Variants in PHLPP1 observed in about 807,000 individuals in gnomAD.
PHLPP1 encodes PH domain leucine-rich repeat-containing protein phosphatase 1.
Under a neutral mutation model 117.2 loss-of-function variants are expected in PHLPP1, and 42 were observed. The ratio of observed to expected loss-of-function variants is 0.36; its 90% CI spans 0.28 to 0.46. The LOEUF (loss-of-function observed/expected upper bound fraction) is 0.46. Among genes scored for constraint, PHLPP1 ranks in the 20% least tolerant of loss-of-function variants. The probability of loss-of-function intolerance (pLI) is 1.00; values close to 1 mark genes in which losing one functional copy is unlikely to be tolerated. For missense variants in PHLPP1, 2,084 were observed against 2,241.9 expected (o/e 0.93, Z 1.42); for synonymous variants, 1,042 against 970.7 (o/e 1.07, Z -1.37).
chr18:62,971,905 A>T (rs1307173623), intron 14 of PHLPP1, among the ~76,000 whole-genome samples: 1 of 152,006 alleles, frequency 6.6e-6, no homozygotes, highest in East Asian at 1.9e-4. Flanking sequence ...GCATGGTGGC[A>T]TACTCCTGTA....
intron 1 of PHLPP1, among the ~76,000 whole-genome samples, chr18:62,738,559 T>C (rs1911434310): frequency 6.6e-6 from 1 of 152,192 alleles, no homozygotes; most frequent in African/African-American, 2.4e-5. Context: ...TCCATTGATT[T>C]TGGTATCTTT....
chr18:62,900,304 TAAA>T (rs1476087774), intron 6 of PHLPP1, among the ~76,000 whole-genome samples: 165 of 5,366 alleles, frequency 0.031, no homozygotes, highest in African/African-American at 0.052. Context: ...CTTAAAATAA[TAAA>T]TAAATAAATA....
At chr18:62,746,507 A>G (rs916507162) in intron 1 of PHLPP1, among the ~76,000 whole-genome samples, 3 of 152,184 alleles carry the variant, frequency 2.0e-5, no homozygotes, top group African/African-American at 7.2e-5. Context: ...ATGTTCTTAA[A>G]TAGCAATTAA....
chr18:62,884,179 G>A (rs181939099), intron 4 of PHLPP1, among the ~76,000 whole-genome samples: 1 of 152,246 alleles, frequency 6.6e-6, no homozygotes, highest in Non-Finnish European at 1.5e-5. Flanking sequence ...GTTTGTATTG[G>A]GTGAGTAAAC....
chr18:62,811,498 AT>A (rs1359356003), intron 1 of PHLPP1, among the ~76,000 whole-genome samples: 2 of 151,838 alleles, frequency 1.3e-5, no homozygotes, highest in Non-Finnish European at 2.9e-5. Flanking sequence ...AAATTCACCA[AT>A]CCGTTTACTA....
At position 62,978,871 on chromosome 18, in the gene PHLPP1, T is replaced by C. The variant is rs1438965512; in HGVS notation, c.4594T>C (p.Ser1532Pro). 1.2e-6 allele frequency: 2 copies of C among 1,607,304 alleles called. No individual in the cohort carries two copies. Among genetic ancestry groups the C allele is most frequent in the East Asian group, 2.2e-5 (1 of 44,472 alleles). Reference protein sequence around the residue: ...CLSNSFQRQLSSATFSSAFSD... With the variant: ...CLSNSFQRQLPSATFSSAFSD... ...GTCCAACTCCTTCCAGCGCCAGCTA[T>C]CCAGCGCCACGTTCTCTAGCGCCTT... is the stretch of plus-strand genomic sequence containing the variant. The change falls in exon 17 of 17, where the codon TCC (serine) becomes CCC (proline). Residue 1532 changes from serine (S) to proline (P), a missense_variant. Coordinates refer to ENST00000262719, the MANE Select transcript of PHLPP1 (RefSeq NM_194449.4). The surrounding 1 kb of genome is among the most constrained non-coding windows in gnomAD (Gnocchi z 7.0).
chr18:62,898,411 A>T (rs1276707955), intron 6 of PHLPP1, among the ~76,000 whole-genome samples: 1 of 152,048 alleles, frequency 6.6e-6, no homozygotes, highest in Non-Finnish European at 1.5e-5. Context: ...TCTGTCTTTT[A>T]TCCCTTCCTT....
At chr18:62,726,680 T>C (rs933460380) in intron 1 of PHLPP1, among the ~76,000 whole-genome samples, 4 of 149,136 alleles carry the variant, frequency 2.7e-5, no homozygotes, top group African/African-American at 9.9e-5. Context: ...GCCTCCCGGG[T>C]TCATGCGATT....
intron 1 of PHLPP1, among the ~76,000 whole-genome samples, chr18:62,770,457 A>C (rs1342169722): frequency 1.3e-5 from 2 of 152,114 alleles, no homozygotes; most frequent in Admixed American, 1.3e-4. Flanking sequence ...CAACCATATG[A>C]AGTTTTGTTA....
chr18:62,862,191 C>T (rs567506666), intron 4 of PHLPP1, among the ~76,000 whole-genome samples: 8 of 151,930 alleles, frequency 5.3e-5, no homozygotes, highest in South Asian at 2.1e-4. Flanking sequence ...GTGATTCTCC[C>T]GCCTCAGCCT....
chr18:62,918,231 T>G (rs1469952364), intron 9 of PHLPP1, among the ~76,000 whole-genome samples: 2 of 148,704 alleles, frequency 1.3e-5, no homozygotes, highest in African/African-American at 5.0e-5. Context: ...AAAAAGAGTT[T>G]GACAAAAGAG....
chr18:62,788,737 T>C (rs1487204280), intron 1 of PHLPP1, among the ~76,000 whole-genome samples: 3 of 152,190 alleles, frequency 2.0e-5, no homozygotes, highest in Admixed American at 6.5e-5. Context: ...TTGGTACTGG[T>C]TGGATAAACC....
Position 62,978,136 on chromosome 18 carries a change from C to T in PHLPP1, c.3985-126C>T, listed in dbSNP as rs34120677. The T allele has an allele frequency of 0.051, 31,208 of 613,072 alleles. 1,152 individuals carry two copies. The highest frequency in any genetic ancestry group is 0.066 in the Non-Finnish European group (22,703 of 342,454). 38.0% of individuals were successfully genotyped at this position (613,072 alleles called of 1,614,324 possible). A position where few individuals can be genotyped will look rare whatever the true frequency, so the allele number is the denominator to read the frequency against. On this transcript the variant is annotated intron_variant, in intron 16 of 16. Transcript: ENST00000262719. This position sits in a 1 kb window ranked among gnomAD's most constrained non-coding sequence, Gnocchi z 7.0. ...ACTACAGAGTGAGCCCTTCTTTCCT[C>T]TGTGGGCCACACAGCACTTCTCTGT... is the stretch of plus-strand genomic sequence containing the variant.
At chr18:62,967,945 T>G (rs940470106) in intron 14 of PHLPP1, among the ~76,000 whole-genome samples, 6 of 151,890 alleles carry the variant, frequency 4.0e-5, no homozygotes, top group Non-Finnish European at 8.8e-5. Context: ...CACCTCAGCC[T>G]CCCGAGTAGC....
chr18:62,886,670 GAT>G (rs1189994050), intron 4 of PHLPP1, among the ~76,000 whole-genome samples: 1 of 152,182 alleles, frequency 6.6e-6, no homozygotes, highest in African/African-American at 2.4e-5. Flanking sequence ...TGTCTCTGTA[GAT>G]TATCAAGTAT....
chr18:62,833,227 C>A (rs1018668602), intron 2 of PHLPP1, among the ~76,000 whole-genome samples: 2 of 152,090 alleles, frequency 1.3e-5, no homozygotes, highest in Non-Finnish European at 2.9e-5. Context: ...GTGCACACCA[C>A]CATGCCCGGC....
intron 1 of PHLPP1, among the ~76,000 whole-genome samples, chr18:62,764,532 A>G (rs959159716): frequency 3.9e-5 from 6 of 152,180 alleles, no homozygotes; most frequent in South Asian, 2.1e-4. Context: ...CAGGTGGATC[A>G]CCTGAGGTCA....
chr18:62,860,396 A>G lies in PHLPP1; in HGVS notation c.1900-39A>G, dbSNP rs187918874. 7.3e-5 allele frequency: 113 copies of G among 1,552,184 alleles called. 1 individual carries two copies. The Middle Eastern group carries it at 1.0e-3, about 14-fold the overall frequency. On this transcript the variant is annotated intron_variant, in intron 3 of 16. Coordinates refer to ENST00000262719, the MANE Select transcript of PHLPP1 (RefSeq NM_194449.4). ...TATCCATAGAAAGTAGTTATAGGATAAGTGGATGGTATTAAAATTAAGTTT... is the reference window on the plus strand; with the variant it reads ...TATCCATAGAAAGTAGTTATAGGATGAGTGGATGGTATTAAAATTAAGTTT...
rs772740110 is a variant in PHLPP1 at position 62,860,491 on chromosome 18, G to A, written c.1956G>A (p.Leu652=). 94 of 1,613,772 alleles carry A rather than the reference G, an allele frequency of 5.8e-5. No individual in the cohort carries two copies. Among genetic ancestry groups the A allele is most frequent in the Non-Finnish European group, 7.6e-5 (90 of 1,179,848 alleles). ...TCTCGTGTTGTAGCCTGGAACATCT[G>A]CCTGCCAACCTCTTCTACAGCCAAG... ...VDLSCCSLEH[L]PANLFYSQDL... is the part of the protein sequence containing the mutation. The change falls in exon 4 of 17, where the codon CTG becomes CTA. Residue 652 remains leucine, a synonymous_variant. Coordinates refer to ENST00000262719, the MANE Select transcript of PHLPP1 (RefSeq NM_194449.4).
Sources: allele counts gnomAD v4.1 joint callset (sites outside exome capture counted in the v4.1 genomes callset), GRCh38; gene constraint gnomAD v4.1.1; non-coding constraint Gnocchi (gnomAD v3.1); transcripts MANE v1.5; gene names NCBI Gene and HGNC (gene_info 2026-07-23, HGNC 2026-07-21).